The following ZNF519 variants were observed in gnomAD, a reference collection of about 807,000 sequenced individuals.
ZNF519 encodes the protein similar to Zinc finger protein 85 (Zinc finger protein HPF4) (HTF1).
ZNF519 carries 7 observed loss-of-function variants against 7.4 expected under a neutral mutation model. The ratio of observed to expected loss-of-function variants is 0.94; its 90% confidence interval spans 0.54 to 1.77. The LOEUF (loss-of-function observed/expected upper bound fraction) is 1.77, where lower values mean the gene tolerates loss of function less well. Among genes scored for constraint, ZNF519 ranks in the 40% most tolerant of loss-of-function variants. The pLI, the probability that ZNF519 is intolerant of heterozygous loss-of-function variation, is 0.00. For missense variants in ZNF519, 586 were observed against 623.1 expected, an observed-to-expected ratio of 0.94 and a Z score of 0.63; for synonymous variants, 179 against 203.3, an observed-to-expected ratio of 0.88 and a Z score of 1.02.
At chr18:14,107,046 G>A (rs993433978) in intron 2 of ZNF519, among the ~76,000 whole-genome samples, 2 of 152,098 alleles carry the variant, frequency 1.3e-5, no homozygotes, top group African/African-American at 4.8e-5. Flanking sequence ...GCAACTCCCA[G>A]GTGAGTCCTA....
At chr18:14,110,131 T>C (rs578209818) in intron 2 of ZNF519, among the ~76,000 whole-genome samples, 1 of 152,146 alleles carries the variant, frequency 6.6e-6, no homozygotes, top group Non-Finnish European at 1.5e-5. Context: ...CTAGGAAAAC[T>C]GGCAAGCCAC....
chr18:14,106,270 T>C lies in ZNF519; in HGVS notation c.270A>G (p.Glu90=). Residue 90 remains glutamate, a synonymous_variant, in exon 3 of 3, where the codon GAA becomes GAG. Coordinates refer to ENST00000590202, the MANE Select transcript of ZNF519 (RefSeq NM_145287.4). The stretch of plus-strand genomic sequence containing the variant: ...TATAACATTCCTTTTGTCCTTCACC[T>C]TCACCTATACTTTCCCAGTTTTTCC... The part of the protein sequence containing the change: ...CLWKNWESIG[E]GEGQKECYNL... 1 of 1,613,582 alleles carries C rather than the reference T, an allele frequency of 6.2e-7. No individual in the cohort carries two copies. Among genetic ancestry groups the C allele is most frequent in the African/African-American group, 1.3e-5 (1 of 74,896 alleles).
downstream of ZNF519, chr18:14,072,058 T>C (rs1033743411): frequency 6.6e-6 from 1 of 152,174 alleles, no homozygotes; most frequent in African/African-American, 2.4e-5. Context: ...GGAATCATAT[T>C]TGTTCATTCC....
At chr18:14,130,564 C>A (rs368301855) in intron 1 of ZNF519, among the ~76,000 whole-genome samples, 37 of 152,132 alleles carry the variant, frequency 2.4e-4, no homozygotes, top group Admixed American at 1.4e-3. Context: ...AATCAGGCCA[C>A]CTTATCCCTT....
downstream of ZNF519, among the ~76,000 whole-genome samples, chr18:14,098,137 A>C (rs1216319659): frequency 6.6e-6 from 1 of 150,750 alleles, no homozygotes; most frequent in African/African-American, 2.4e-5. Flanking sequence ...GTTGAAAATC[A>C]GTCGCCTATA....
intron 1 of ZNF519, among the ~76,000 whole-genome samples, chr18:14,130,099 C>G (rs1327819915): frequency 1.3e-5 from 2 of 151,758 alleles, no homozygotes. Context: ...ACTCTCTCTT[C>G]TTTTTTTCTA....
intron 1 of ZNF519, among the ~76,000 whole-genome samples, chr18:14,127,706 A>C (rs1410247595): frequency 6.6e-6 from 1 of 152,124 alleles, no homozygotes; most frequent in African/African-American, 2.4e-5. Flanking sequence ...GTCAGATGTG[A>C]AGATGCCAGG....
intron 1 of ZNF519, among the ~76,000 whole-genome samples, chr18:14,127,080 T>C (rs1458843798): frequency 6.6e-6 from 1 of 152,178 alleles, no homozygotes; most frequent in Non-Finnish European, 1.5e-5. Flanking sequence ...AGAACAAAAA[T>C]ACTCTACTCC....
intron 3 of ZNF519, chr18:14,080,312 A>G (rs9960501): frequency 0.077 from 9,613 of 125,624 alleles, 1,112 homozygotes; most frequent in African/African-American, 0.26. Flanking sequence ...TGACAATTTG[A>G]CAGTTTTTTT....
Position 14,105,925 on chromosome 18 carries a change from T to C in ZNF519, c.615A>G (p.Gln205=). 2 of 1,609,348 alleles carry C rather than the reference T, an allele frequency of 1.2e-6. No individual in the cohort carries two copies. The highest frequency in any genetic ancestry group is 1.7e-6 in the Non-Finnish European group (2 of 1,178,048). ...KLIFPENIHI[Q]KKPYNSNECG... is the part of the protein sequence containing the mutation. The stretch of plus-strand genomic sequence containing the variant: ...ATTCATTAGAGTTGTAAGGCTTTTT[T>C]TGAATATGGATATTTTCAGGGAAAA... Residue 205 remains glutamine, a synonymous_variant, in exon 3 of 3, where the codon CAA becomes CAG. Transcript: ENST00000590202.
intron 2 of ZNF519, among the ~76,000 whole-genome samples, chr18:14,110,993 A>C (rs2046217614): frequency 6.6e-6 from 1 of 152,032 alleles, no homozygotes; most frequent in Non-Finnish European, 1.5e-5. Context: ...ACACTAAAGA[A>C]CTTATCTGTG....
At chr18:14,098,415 C>A (rs1412297650), downstream of ZNF519, among the ~76,000 whole-genome samples, 1 of 152,148 alleles carries the variant, frequency 6.6e-6, no homozygotes, top group Non-Finnish European at 1.5e-5. Context: ...CTGCCTTGGC[C>A]TCCCAAAGTG....
At chr18:14,086,367 A>ACTTG (rs1180909358) in intron 2 of ZNF519, among the ~76,000 whole-genome samples, 1 of 152,176 alleles carries the variant, frequency 6.6e-6, no homozygotes. Context: ...AGGGGCCGGA[A>ACTTG]AGCTGTAGCC....
At chr18:14,112,334 T>C (rs1015678505) in intron 2 of ZNF519, among the ~76,000 whole-genome samples, 3 of 152,118 alleles carry the variant, frequency 2.0e-5, no homozygotes, top group African/African-American at 7.2e-5. Flanking sequence ...TAAAAAGCTA[T>C]ATATGACACT....
chr18:14,107,904 C>T (rs1044320745), intron 2 of ZNF519, among the ~76,000 whole-genome samples: 1 of 152,064 alleles, frequency 6.6e-6, no homozygotes, highest in African/African-American at 2.4e-5. Context: ...GCTAGCTCTA[C>T]CACAGTACAA....
rs777155284 is a variant in ZNF519 at position 14,105,826 on chromosome 18, T to C, written c.714A>G (p.Arg238=). 6.2e-7 allele frequency: 1 copy of C among 1,602,898 alleles called. No homozygotes were observed. The highest frequency in any genetic ancestry group is 1.1e-5 in the South Asian group (1 of 88,392). ...AGACTATTATACATTTTTTATTACA[T>C]CTTTGTGAGCTCTCTCCAATATAAA... ...QRIYIGESSQ[R]CNKKCIIVFS... Residue 238 remains arginine (R), a synonymous_variant, in exon 3 of 3, where the codon AGA becomes AGG. Coordinates refer to ENST00000590202, the MANE Select transcript of ZNF519 (RefSeq NM_145287.4).
chr18:14,128,690 AACACACACACACACACACAC>A (rs71366097), intron 1 of ZNF519, among the ~76,000 whole-genome samples: 4 of 130,558 alleles, frequency 3.1e-5, no homozygotes, highest in African/African-American at 9.0e-5. Context: ...TTCTGAGTCA[AACACACACACACACACACAC>A]ACACACACAC....
intron 2 of ZNF519, among the ~76,000 whole-genome samples, chr18:14,117,972 A>G (rs1030718427): frequency 6.6e-6 from 1 of 152,222 alleles, no homozygotes; most frequent in Non-Finnish European, 1.5e-5. Flanking sequence ...GATCCAAAAT[A>G]TATCATTTAC....
chr18:14,120,078 A>T (rs1177714883), intron 2 of ZNF519, among the ~76,000 whole-genome samples: 6 of 152,214 alleles, frequency 3.9e-5, no homozygotes, highest in African/African-American at 1.4e-4. Flanking sequence ...AACCTAAAAC[A>T]ACTTGAAATA....
Sources: allele counts gnomAD v4.1 joint callset (sites outside exome capture counted in the v4.1 genomes callset), GRCh38; gene constraint gnomAD v4.1.1; transcripts MANE v1.5; gene names NCBI Gene and HGNC (gene_info 2026-07-23, HGNC 2026-07-21).